SLC4A4: variants seen among roughly 807,000 people sequenced by gnomAD.
SLC4A4 encodes solute carrier family 4 member 4, also known as electrogenic sodium bicarbonate cotransporter 1.
In SLC4A4, 27 loss-of-function variants were observed where a neutral mutation model predicts 111.5. The ratio of observed to expected loss-of-function variants is 0.24; its 90% CI spans 0.18 to 0.33. SLC4A4 has a LOEUF of 0.33. Ranked by LOEUF, SLC4A4 falls within the 10% of genes least tolerant of loss-of-function variation. The pLI is 1.00. For missense variants in SLC4A4, 909 were observed against 1,315.5 expected (o/e 0.69, Z 4.78); for synonymous variants, 443 against 463.4 (o/e 0.96, Z 0.57).
chr4:71,216,905 G>T (rs1178080172), intron 1 of SLC4A4, among the ~76,000 whole-genome samples: 10 of 152,282 alleles, frequency 6.6e-5, no homozygotes, highest in Admixed American at 6.5e-4. Flanking sequence ...ACCACGCAGG[G>T]TGCTTTTGTG....
intron 1 of SLC4A4, among the ~76,000 whole-genome samples, chr4:71,222,301 A>ACTTG (rs1453652433): frequency 6.6e-6 from 1 of 152,146 alleles, no homozygotes; most frequent in African/African-American, 2.4e-5. Flanking sequence ...CTGTTCTCTC[A>ACTTG]CATAACTGCA....
At chr4:71,502,703 G>A (rs995103815) in intron 16 of SLC4A4, among the ~76,000 whole-genome samples, 2 of 152,150 alleles carry the variant, frequency 1.3e-5, no homozygotes, top group Non-Finnish European at 2.9e-5. Context: ...TACTTGATAT[G>A]ATCTCTGTTT....
intron 1 of SLC4A4, among the ~76,000 whole-genome samples, chr4:71,230,519 C>A (rs1455468391): frequency 6.6e-6 from 1 of 152,146 alleles, no homozygotes; most frequent in Admixed American, 6.5e-5. Context: ...CACCGGATGT[C>A]ATAAACAGAC....
intron 3 of SLC4A4, among the ~76,000 whole-genome samples, chr4:71,335,573 C>T (rs527912980): frequency 1.3e-5 from 2 of 152,304 alleles, no homozygotes; most frequent in African/African-American, 2.4e-5. Flanking sequence ...TGCCTGTAAT[C>T]CCAGCACTTT....
chr4:71,310,862 G>A (rs775781217), intron 3 of SLC4A4, among the ~76,000 whole-genome samples: 2 of 152,114 alleles, frequency 1.3e-5, no homozygotes, highest in Non-Finnish European at 2.9e-5. Context: ...TGGGCTAAGT[G>A]CCCCAAAAGG....
intron 8 of SLC4A4, among the ~76,000 whole-genome samples, chr4:71,445,094 T>C (rs1725104514): frequency 6.6e-6 from 1 of 152,160 alleles, no homozygotes; most frequent in South Asian, 2.1e-4. Context: ...CCAATATAAT[T>C]CTCATATATT....
chr4:71,293,505 A>G (rs1358655930), intron 3 of SLC4A4, among the ~76,000 whole-genome samples: 2 of 151,744 alleles, frequency 1.3e-5, no homozygotes, highest in Non-Finnish European at 2.9e-5. Flanking sequence ...GGAGGTTGCA[A>G]TGAGCCAAGA....
At chr4:71,266,614 C>T (rs184531711) in intron 3 of SLC4A4, among the ~76,000 whole-genome samples, 8 of 152,218 alleles carry the variant, frequency 5.3e-5, no homozygotes, top group Admixed American at 2.0e-4. Flanking sequence ...AACTGCTTTT[C>T]GACTCTTTTT....
intron 3 of SLC4A4, among the ~76,000 whole-genome samples, chr4:71,282,826 C>G (rs1723630283): frequency 6.6e-6 from 1 of 151,924 alleles, no homozygotes; most frequent in Non-Finnish European, 1.5e-5. Context: ...ATCCTCCTAC[C>G]CGGGCCTCCC....
intron 3 of SLC4A4, among the ~76,000 whole-genome samples, chr4:71,323,923 T>C (rs1727307236): frequency 6.6e-6 from 1 of 151,978 alleles, no homozygotes; most frequent in Admixed American, 6.6e-5. Flanking sequence ...GTTGACATCC[T>C]TGGCAGAGTA....
rs531094819 is a variant in SLC4A4 at position 71,187,363 on chromosome 4, C to A, written c.-40C>A. ...TGGCCGCTGCAGCCCCACACTCCGC[C>A]GCCAAACTGGAGGAGCGACGGAAGC... is the stretch of plus-strand genomic sequence containing the variant. On this transcript the variant is annotated 5_prime_UTR_variant, in exon 1 of 26. Transcript: ENST00000264485. 3.9e-5 allele frequency: 6 copies of A among 152,334 alleles called. No homozygotes were observed. The highest frequency in any genetic ancestry group is 1.9e-4 in the East Asian group (1 of 5,138). The allele number at this position is 152,334 out of a possible 1,614,324, so 9.4% of individuals were successfully genotyped here.
At chr4:71,349,624 T>C (rs1729634770) in intron 4 of SLC4A4, among the ~76,000 whole-genome samples, 1 of 152,184 alleles carries the variant, frequency 6.6e-6, no homozygotes, top group East Asian at 1.9e-4. Flanking sequence ...AAATAATTGG[T>C]CTTAAGGATC....
At chr4:71,387,790 G>A (rs1718893186) in intron 6 of SLC4A4, among the ~76,000 whole-genome samples, 2 of 152,164 alleles carry the variant, frequency 1.3e-5, no homozygotes, top group South Asian at 4.1e-4. Flanking sequence ...ACCGTGCCTG[G>A]CCTAAAGTAT....
intron 2 of SLC4A4, among the ~76,000 whole-genome samples, chr4:71,144,405 G>A (rs1384759386): frequency 6.6e-6 from 1 of 152,114 alleles, no homozygotes; most frequent in African/African-American, 2.4e-5. Flanking sequence ...TGTTCTTTTG[G>A]CTTAGGATTT....
chr4:71,416,933 A>G (rs1226142213), intron 7 of SLC4A4, among the ~76,000 whole-genome samples: 1 of 152,158 alleles, frequency 6.6e-6, no homozygotes, highest in Non-Finnish European at 1.5e-5. Context: ...TTTTTTAAAC[A>G]ATGAATGGTA....
intron 6 of SLC4A4, among the ~76,000 whole-genome samples, chr4:71,378,980 T>C (rs530881271): frequency 1.3e-5 from 2 of 152,316 alleles, no homozygotes; most frequent in African/African-American, 4.8e-5. Context: ...TCTGCCATTT[T>C]ACTTCTGATT....
intron 7 of SLC4A4, among the ~76,000 whole-genome samples, chr4:71,409,983 T>A (rs1031709988): frequency 6.6e-6 from 1 of 152,146 alleles, no homozygotes; most frequent in African/African-American, 2.4e-5. Flanking sequence ...TTCCACATGG[T>A]GTTGAGCCTG....
At position 71,073,734 on chromosome 4, in the gene SLC4A4, C is replaced by A. The variant is rs370907056; in HGVS notation, c.-65+10946C>A. On this transcript the variant is annotated intron_variant, in intron 1 of 26. Coordinates refer to the SLC4A4 transcript ENST00000649996. ...TGTCTCTCCAGCACCTAGAACAGTA[C>A]CTGCACATAAAAAAAATGCTGTATA... Among the ~76,000 whole-genome samples the A allele has an allele frequency of 3.9e-5, 6 of 152,106 alleles. No homozygotes were observed. In the South Asian group the frequency reaches 6.2e-4, roughly 16 times the overall value.
At chr4:71,288,062 G>A (rs1284002520) in intron 3 of SLC4A4, among the ~76,000 whole-genome samples, 1 of 152,102 alleles carries the variant, frequency 6.6e-6, no homozygotes, top group Non-Finnish European at 1.5e-5. Context: ...TCTATCCACT[G>A]AGATGCATTT....
Sources: gnomAD v4.1 joint callset for allele counts (sites outside exome capture counted in the v4.1 genomes callset) on GRCh38, gnomAD v4.1.1 for gene constraint, MANE v1.5 for transcripts, NCBI Gene and HGNC (gene_info 2026-07-23, HGNC 2026-07-21) for gene names.